Variants in MRPS28 observed in about 807,000 individuals in gnomAD.
The protein encoded by MRPS28 is small ribosomal subunit protein bS1m.
In MRPS28, 7 loss-of-function variants were observed where a neutral mutation model predicts 10.8. The observed-to-expected ratio is 0.65, with a 90% CI of 0.37 to 1.22. The LOEUF is 1.22. Ranked by LOEUF, MRPS28 falls within the 50% of genes most tolerant of loss-of-function variation. MRPS28 has a pLI of 0.02. For missense variants in MRPS28, 265 were observed against 232.9 expected (o/e 1.14, Z -0.90); for synonymous variants, 121 against 93.3 (o/e 1.30, Z -1.71).
chr8:79,928,791 A>G (rs551519642), intron 2 of MRPS28, among the ~76,000 whole-genome samples: 4 of 50,358 alleles, frequency 7.9e-5, no homozygotes, highest in Non-Finnish European at 1.5e-4. Flanking sequence ...TCACGCCTGT[A>G]ATCCCAGCAC....
intron 2 of MRPS28, among the ~76,000 whole-genome samples, chr8:79,929,336 T>C (rs955255050): frequency 3.9e-5 from 6 of 152,192 alleles, no homozygotes; most frequent in Admixed American, 2.0e-4. Flanking sequence ...ATAATCTGCA[T>C]AATAATCTCA....
intron 2 of MRPS28, among the ~76,000 whole-genome samples, chr8:79,921,846 T>C (rs933733307): frequency 5.9e-5 from 9 of 152,350 alleles, no homozygotes; most frequent in South Asian, 2.1e-4. Context: ...AGAGAGGGCA[T>C]CCCTGTCTTG....
At chr8:79,929,061 A>C (rs924089165) in intron 2 of MRPS28, among the ~76,000 whole-genome samples, 15 of 152,126 alleles carry the variant, frequency 9.9e-5, no homozygotes, top group Non-Finnish European at 1.9e-4. Flanking sequence ...CAAACAAAAA[A>C]CAAAACAAAA....
chr8:79,948,178 G>A (rs1229227948), intron 2 of MRPS28, among the ~76,000 whole-genome samples: 3 of 151,748 alleles, frequency 2.0e-5, no homozygotes, highest in East Asian at 1.9e-4. Flanking sequence ...TAGTAGAGAC[G>A]GGGTTTCGCT....
intron 2 of MRPS28, among the ~76,000 whole-genome samples, chr8:79,945,054 A>G (rs1806872124): frequency 6.6e-6 from 1 of 152,164 alleles, no homozygotes; most frequent in Non-Finnish European, 1.5e-5. Context: ...ATTATTATCA[A>G]GAGGCATTTT....
At chr8:79,946,264 C>T (rs994617924) in intron 2 of MRPS28, among the ~76,000 whole-genome samples, 3 of 152,068 alleles carry the variant, frequency 2.0e-5, no homozygotes, top group African/African-American at 7.2e-5. Context: ...CTTCTGGGCT[C>T]ATCTCATCCT....
intron 1 of MRPS28, among the ~76,000 whole-genome samples, chr8:80,015,791 G>T (rs1159604872): frequency 6.6e-6 from 1 of 152,164 alleles, no homozygotes; most frequent in African/African-American, 2.4e-5. Flanking sequence ...TCTAACGGAA[G>T]AAATAAGATG....
intron 2 of MRPS28, among the ~76,000 whole-genome samples, chr8:80,002,289 T>C (rs1323185068): frequency 2.6e-5 from 4 of 152,024 alleles, no homozygotes; most frequent in South Asian, 2.1e-4. Context: ...TATTGTTTTA[T>C]ATATGATTAA....
chr8:80,018,003 C>A (rs1809242243), intron 1 of MRPS28, among the ~76,000 whole-genome samples: 1 of 152,068 alleles, frequency 6.6e-6, no homozygotes, highest in African/African-American at 2.4e-5. Flanking sequence ...AATAATCCAA[C>A]TTTAAAATAG....
chr8:79,971,866 C>G (rs912938200), intron 2 of MRPS28, among the ~76,000 whole-genome samples: 8 of 152,028 alleles, frequency 5.3e-5, no homozygotes, highest in African/African-American at 1.7e-4. Context: ...CCACGTCTGG[C>G]TAATTTTTGT....
At chr8:79,954,216 A>C (rs1807147596) in intron 2 of MRPS28, among the ~76,000 whole-genome samples, 2 of 152,286 alleles carry the variant, frequency 1.3e-5, no homozygotes, top group African/African-American at 4.8e-5. Context: ...CCTCTAAAAA[A>C]AAATTAAAAA....
At chr8:79,938,945 G>A (rs375049106) in intron 2 of MRPS28, among the ~76,000 whole-genome samples, 1 of 151,934 alleles carries the variant, frequency 6.6e-6, no homozygotes, top group Non-Finnish European at 1.5e-5. Flanking sequence ...ATCTACAGAT[G>A]GGGGATTCCT....
Position 80,018,090 on chromosome 8 carries a change from C to G in MRPS28, c.213+11946G>C, listed in dbSNP as rs548477446. 5.9e-5 allele frequency among the ~76,000 whole-genome samples: 9 copies of G among 152,112 alleles called. 1 individual carries two copies. The South Asian group carries it at 1.9e-3, about 32-fold the overall frequency. On this transcript the variant is annotated intron_variant, in intron 1 of 2. Coordinates refer to ENST00000276585, the MANE Select transcript of MRPS28 (RefSeq NM_014018.3). The stretch of plus-strand genomic sequence containing the variant: ...GGATCACAAGGTCAGGATATCAAGA[C>G]TATCCTGGTTAACATGGTGAAACCC...
At chr8:79,943,842 C>T (rs1250146704) in intron 2 of MRPS28, among the ~76,000 whole-genome samples, 1 of 152,062 alleles carries the variant, frequency 6.6e-6, no homozygotes, top group East Asian at 1.9e-4. Context: ...AGTGACTATA[C>T]TTAATGGTCA....
At chr8:79,990,854 C>T (rs1205191118) in intron 2 of MRPS28, among the ~76,000 whole-genome samples, 1 of 151,044 alleles carries the variant, frequency 6.6e-6, no homozygotes, top group Non-Finnish European at 1.5e-5. Context: ...ATTAGCTGGG[C>T]ATGGCGCGCG....
chr8:79,960,898 A>C (rs1429924088), intron 2 of MRPS28, among the ~76,000 whole-genome samples: 1 of 152,104 alleles, frequency 6.6e-6, no homozygotes, highest in East Asian at 1.9e-4. Context: ...AAAAGATCAA[A>C]CATAAAACCT....
chr8:80,029,809 C>T lies in MRPS28; in HGVS notation c.213+227G>A, dbSNP rs746938768. 5.2e-6 allele frequency: 8 copies of T among 1,527,916 alleles called. No homozygotes were observed. In the South Asian group the frequency reaches 9.6e-5, roughly 18 times the overall value. The allele number at this position is 1,527,916 out of a possible 1,614,324, so 94.6% of individuals were successfully genotyped here. On this transcript the variant is annotated intron_variant, in intron 1 of 2. Transcript: ENST00000276585. ...GGAAAACAAGCGCAGTGTGGACAGACCCGGCCCAGTACGCAAATGCCACAC... is the reference window on the plus strand; with the variant it reads ...GGAAAACAAGCGCAGTGTGGACAGATCCGGCCCAGTACGCAAATGCCACAC...
chr8:79,942,274 G>C (rs948956738), intron 2 of MRPS28, among the ~76,000 whole-genome samples: 1 of 152,158 alleles, frequency 6.6e-6, no homozygotes, highest in South Asian at 2.1e-4. Context: ...TGCATTCAAG[G>C]GAGTGATACA....
chr8:79,942,425 T>C (rs1289763982), intron 2 of MRPS28, among the ~76,000 whole-genome samples: 1 of 152,240 alleles, frequency 6.6e-6, no homozygotes, highest in Non-Finnish European at 1.5e-5. Flanking sequence ...GAAGGCATGA[T>C]GACATCTTTG....
Sources: gnomAD v4.1 joint callset for allele counts (sites outside exome capture counted in the v4.1 genomes callset) on GRCh38, gnomAD v4.1.1 for gene constraint, MANE v1.5 for transcripts, NCBI Gene and HGNC (gene_info 2026-07-23, HGNC 2026-07-21) for gene names.